KCNAB1: variants seen among roughly 807,000 people sequenced by gnomAD.
KCNAB1 encodes potassium voltage-gated channel subfamily A regulatory beta subunit 1.
KCNAB1 carries 35 observed loss-of-function variants against 64.6 expected under a neutral mutation model. The ratio of observed to expected loss-of-function variants is 0.54; its 90% CI spans 0.41 to 0.72. KCNAB1 has a LOEUF of 0.72. Among genes scored for constraint, KCNAB1 ranks in the 30% least tolerant of loss-of-function variants. The pLI, the probability that KCNAB1 is intolerant of heterozygous loss-of-function variation, is 0.00. For missense variants in KCNAB1, 401 were observed against 512.9 expected, an observed-to-expected ratio of 0.78 and a Z score of 2.11; for synonymous variants, 177 against 183.8, an observed-to-expected ratio of 0.96 and a Z score of 0.30.
intron 1 of KCNAB1, among the ~76,000 whole-genome samples, chr3:156,136,258 A>C (rs908570540): frequency 6.6e-6 from 1 of 152,244 alleles, no homozygotes; most frequent in African/African-American, 2.4e-5. Flanking sequence ...TACTAGTTAC[A>C]TCAAATACAA....
At chr3:156,196,581 G>A (rs1576595831) in intron 1 of KCNAB1, among the ~76,000 whole-genome samples, 1 of 152,050 alleles carries the variant, frequency 6.6e-6, no homozygotes, top group African/African-American at 2.4e-5. Flanking sequence ...ACTGTGAATG[G>A]GAGTTTACTC....
intron 7 of KCNAB1, among the ~76,000 whole-genome samples, chr3:156,474,399 A>C (rs1444225492): frequency 6.6e-6 from 1 of 152,220 alleles, no homozygotes; most frequent in South Asian, 2.1e-4. Context: ...GAAGAAAAAC[A>C]CTAACTGTTG....
At position 156,536,713 on chromosome 3, in the gene KCNAB1, AC is replaced by A; in HGVS notation, c.1227del (p.Asn409LysfsTer23). The A allele has an allele frequency of 6.2e-7, 1 of 1,613,182 alleles. No homozygotes were observed. Among genetic ancestry groups the A allele is most frequent in the Non-Finnish European group, 8.5e-7 (1 of 1,179,114 alleles). ...VVNEIDNILR[N>X]KPYSKKDYRS ...AATGAGATTGATAACATACTGCGCA[AC>A]AAGCCCTACAGCAAGAAGGACTATA... On this transcript the variant is annotated frameshift_variant, in exon 14 of 14. Coordinates refer to ENST00000490337, the MANE Select transcript of KCNAB1 (RefSeq NM_172160.3). LOFTEE classifies it high-confidence loss of function.
At chr3:156,426,585 T>C (rs1486862970) in intron 2 of KCNAB1, among the ~76,000 whole-genome samples, 1 of 152,196 alleles carries the variant, frequency 6.6e-6, no homozygotes. Flanking sequence ...TATAGTATCA[T>C]ACAGAATAGT....
intron 1 of KCNAB1, among the ~76,000 whole-genome samples, chr3:156,209,671 A>T (rs560906382): frequency 5.3e-5 from 8 of 152,348 alleles, no homozygotes; most frequent in Admixed American, 5.2e-4. Flanking sequence ...TGTCTGGAAA[A>T]TTCCACCATA....
chr3:156,390,881 G>A (rs572399331), intron 1 of KCNAB1, among the ~76,000 whole-genome samples: 6 of 152,200 alleles, frequency 3.9e-5, no homozygotes, highest in Admixed American at 1.3e-4. Flanking sequence ...CACAGCGCCC[G>A]GCCTTTGTGG....
At chr3:156,330,075 A>G (rs114864187) in intron 1 of KCNAB1, among the ~76,000 whole-genome samples, 2,148 of 152,270 alleles carry the variant, frequency 0.014, 21 homozygotes, top group South Asian at 0.031. Flanking sequence ...GGCCTTCAGA[A>G]AAAAATTTAA....
intron 1 of KCNAB1, among the ~76,000 whole-genome samples, chr3:156,214,918 G>A (rs1001442320): frequency 5.9e-5 from 9 of 152,162 alleles, no homozygotes; most frequent in African/African-American, 1.9e-4. Context: ...TCACACACTG[G>A]TCTTTCAGGG....
chr3:156,270,033 A>G (rs995821883), intron 1 of KCNAB1, among the ~76,000 whole-genome samples: 4 of 148,880 alleles, frequency 2.7e-5, no homozygotes, highest in African/African-American at 7.5e-5. Context: ...CTCCTGCCTC[A>G]GCCTCCTGAT....
intron 1 of KCNAB1, among the ~76,000 whole-genome samples, chr3:156,397,397 T>C (rs1713540748): frequency 6.6e-6 from 1 of 152,232 alleles, no homozygotes; most frequent in Non-Finnish European, 1.5e-5. Flanking sequence ...AATCTCTTTA[T>C]TTTGCAAATG....
At chr3:156,342,219 C>G (rs571584087) in intron 1 of KCNAB1, among the ~76,000 whole-genome samples, 136 of 152,320 alleles carry the variant, frequency 8.9e-4, no homozygotes, top group Non-Finnish European at 1.5e-3. Flanking sequence ...TCTACGCCAC[C>G]TCAACCACAG....
At chr3:156,413,859 G>A (rs1714862594) in intron 1 of KCNAB1, among the ~76,000 whole-genome samples, 1 of 152,210 alleles carries the variant, frequency 6.6e-6, no homozygotes, top group Non-Finnish European at 1.5e-5. Context: ...CAGTCTGGAA[G>A]GGGAAATAAT....
At chr3:156,183,312 A>G (rs2108349842) in intron 1 of KCNAB1, among the ~76,000 whole-genome samples, 1 of 152,234 alleles carries the variant, frequency 6.6e-6, no homozygotes, top group Non-Finnish European at 1.5e-5. Flanking sequence ...GTCTCAAGGA[A>G]CAGGGTTCCG....
At chr3:156,227,795 G>C (rs1376549052) in intron 1 of KCNAB1, 3 of 152,248 alleles carry the variant, frequency 2.0e-5, no homozygotes, top group Non-Finnish European at 2.9e-5. Context: ...CACCATCCCG[G>C]TTCAGAGCTG....
chr3:156,396,454 C>G (rs1411910062), intron 1 of KCNAB1, among the ~76,000 whole-genome samples: 1 of 152,196 alleles, frequency 6.6e-6, no homozygotes, highest in Admixed American at 6.5e-5. Context: ...TCATTTCTTA[C>G]CAAGTTCTGC....
intron 1 of KCNAB1, among the ~76,000 whole-genome samples, chr3:156,402,887 T>C (rs1714000168): frequency 6.6e-6 from 1 of 152,250 alleles, no homozygotes. Flanking sequence ...AATGTTTTAA[T>C]ATTTTGGTAG....
intron 8 of KCNAB1, among the ~76,000 whole-genome samples, chr3:156,505,894 A>G (rs952941610): frequency 3.3e-5 from 5 of 152,186 alleles, no homozygotes; most frequent in African/African-American, 1.2e-4. Flanking sequence ...ACCAGCTCTC[A>G]TGTGAACTGA....
At chr3:156,204,606 G>A (rs572362957) in intron 1 of KCNAB1, among the ~76,000 whole-genome samples, 1 of 151,930 alleles carries the variant, frequency 6.6e-6, no homozygotes, top group African/African-American at 2.4e-5. Context: ...CGAGGCGGGT[G>A]GATCACTTGA....
At position 156,162,716 on chromosome 3, in the gene KCNAB1, T is replaced by A. The variant is rs573151047; in HGVS notation, c.275+41830T>A. Among the ~76,000 whole-genome samples the A allele has an allele frequency of 1.4e-3, 206 of 151,910 alleles. No homozygotes were observed. The South Asian group carries it at 0.017, about 13-fold the overall frequency. Reference sequence around the variant, plus strand: ...TCTTCAGTAACTCTTACCTTTGGTTTAAAAGAAAACAAAACACCAAAGAGC... The same window carrying A: ...TCTTCAGTAACTCTTACCTTTGGTTAAAAAGAAAACAAAACACCAAAGAGC... On this transcript the variant is annotated intron_variant, in intron 1 of 13. Coordinates refer to ENST00000490337, the MANE Select transcript of KCNAB1 (RefSeq NM_172160.3).
Sources: gnomAD v4.1 joint callset for allele counts (sites outside exome capture counted in the v4.1 genomes callset) on GRCh38, gnomAD v4.1.1 for gene constraint, MANE v1.5 for transcripts, NCBI Gene and HGNC (gene_info 2026-07-23, HGNC 2026-07-21) for gene names.